The following LRBA variants were observed in gnomAD, a reference collection of about 807,000 sequenced individuals.
LRBA encodes lipopolysaccharide-responsive and beige-like anchor protein.
Under a neutral mutation model 330.0 loss-of-function variants are expected in LRBA, and 176 were observed. That is an observed-to-expected ratio of 0.53 (90% CI 0.47 to 0.60). The LOEUF is 0.60. LRBA is among the 20% of genes least tolerant of loss of function. The pLI is 0.00. For missense variants in LRBA, 3,259 were observed against 3,444.8 expected, an observed-to-expected ratio of 0.95 and a Z score of 1.35; for synonymous variants, 1,230 against 1,193.0, an observed-to-expected ratio of 1.03 and a Z score of -0.64.
chr4:150,529,375 G>C (rs1763816479), intron 40 of LRBA, among the ~76,000 whole-genome samples: 1 of 152,110 alleles, frequency 6.6e-6, no homozygotes, highest in Admixed American at 6.5e-5. Flanking sequence ...ACAGGAGTGG[G>C]GATGTCACTG....
intron 46 of LRBA, among the ~76,000 whole-genome samples, chr4:150,428,216 T>A (rs1482893112): frequency 6.6e-6 from 1 of 152,090 alleles, no homozygotes; most frequent in African/African-American, 2.4e-5. Context: ...TAACTGTAAA[T>A]ATAGAATATA....
intron 44 of LRBA, among the ~76,000 whole-genome samples, chr4:150,462,057 T>A (rs557084325): frequency 6.6e-6 from 1 of 151,928 alleles, no homozygotes; most frequent in South Asian, 2.1e-4. Context: ...CCTGCGCTGA[T>A]TATAAATTCT....
chr4:150,770,155 A>G (rs1011485377), intron 34 of LRBA, among the ~76,000 whole-genome samples: 1 of 152,170 alleles, frequency 6.6e-6, no homozygotes, highest in African/African-American at 2.4e-5. Context: ...TGGGAAAGAC[A>G]TCCTCTTCAC....
rs566302090 is a variant in LRBA at position 150,903,534 on chromosome 4, T to A, written c.1755+2304A>T. Among the ~76,000 whole-genome samples, 32 of 151,896 alleles carry A rather than the reference T, an allele frequency of 2.1e-4. No individual in the cohort carries two copies. In the South Asian group the frequency reaches 6.3e-3, roughly 30 times the overall value. On this transcript the variant is annotated intron_variant, in intron 13 of 56. Transcript: ENST00000651943. ...CAGGTAGATCACTTGAGCCCAGGAG[T>A]TCGAGACCAGCCTGGGCAACATGGC...
intron 11 of LRBA, among the ~76,000 whole-genome samples, chr4:150,907,977 TA>T (rs1297478613): frequency 2.0e-5 from 3 of 152,104 alleles, no homozygotes; most frequent in Non-Finnish European, 4.4e-5. Flanking sequence ...CATTACCAAA[TA>T]ATTTTAAATA....
chr4:150,858,513 C>A (rs1279206450), intron 22 of LRBA, among the ~76,000 whole-genome samples: 1 of 151,914 alleles, frequency 6.6e-6, no homozygotes, highest in Non-Finnish European at 1.5e-5. Flanking sequence ...CCATGAAATG[C>A]GGACATTTTG....
At chr4:150,646,257 C>T (rs1224908925) in intron 37 of LRBA, among the ~76,000 whole-genome samples, 2 of 151,920 alleles carry the variant, frequency 1.3e-5, no homozygotes, top group East Asian at 3.9e-4. Flanking sequence ...AAGATGACTT[C>T]AGGGTTTTAG....
chr4:150,459,759 G>A (rs991983168), intron 44 of LRBA, among the ~76,000 whole-genome samples: 1 of 151,798 alleles, frequency 6.6e-6, no homozygotes, highest in African/African-American at 2.4e-5. Context: ...TAAAATCAAT[G>A]TGGCATACAA....
intron 40 of LRBA, among the ~76,000 whole-genome samples, chr4:150,529,124 C>T (rs1362958923): frequency 6.6e-6 from 1 of 152,108 alleles, no homozygotes; most frequent in African/African-American, 2.4e-5. Flanking sequence ...TTTCATACAG[C>T]AAAATCATTA....
Position 150,782,948 on chromosome 4 carries a change from A to G in LRBA, c.5580+15133T>C, listed in dbSNP as rs543059688. On this transcript the variant is annotated intron_variant, in intron 34 of 56. Transcript: ENST00000651943. ...AAAAAAAAATTAAACAAATCAAGTC[A>G]CCTTATGCTCCAAGTGTTGGTTCTA... is the stretch of plus-strand genomic sequence containing the variant. Among the ~76,000 whole-genome samples, 24 of 152,210 alleles carry G rather than the reference A, an allele frequency of 1.6e-4. No individual in the cohort carries two copies. In the East Asian group the frequency reaches 3.1e-3, roughly 20 times the overall value.
intron 37 of LRBA, among the ~76,000 whole-genome samples, chr4:150,645,596 C>G (rs1779048946): frequency 6.6e-6 from 1 of 151,846 alleles, no homozygotes; most frequent in Non-Finnish European, 1.5e-5. Context: ...GGAGCTTCTA[C>G]TCAAATATCA....
At chr4:150,470,942 A>ATTTGGGAGG (rs1253583168) in intron 43 of LRBA, among the ~76,000 whole-genome samples, 19 of 151,990 alleles carry the variant, frequency 1.3e-4, no homozygotes, top group African/African-American at 4.3e-4. Context: ...TTTATCTTAC[A>ATTTGGGAGG]CACACAGCCT....
chr4:150,611,020 T>A lies in LRBA; in HGVS notation c.5922-11889A>T, dbSNP rs72736344. On this transcript the variant is annotated intron_variant, in intron 37 of 56. Transcript: ENST00000651943. Reference sequence around the variant, plus strand: ...AAAAGAATGGAAGATTATACTGTACTTGAAGACTTTCTTCAGTCTTCAAAA... The same window carrying A: ...AAAAGAATGGAAGATTATACTGTACATGAAGACTTTCTTCAGTCTTCAAAA... Among the ~76,000 whole-genome samples the A allele has an allele frequency of 1.6e-3, 245 of 152,292 alleles. 1 individual carries two copies. Among genetic ancestry groups the A allele is most frequent in the Admixed American group, 3.7e-3 (56 of 15,302 alleles).
At chr4:150,743,739 G>C (rs1028704382) in intron 35 of LRBA, among the ~76,000 whole-genome samples, 3 of 152,210 alleles carry the variant, frequency 2.0e-5, no homozygotes, top group African/African-American at 7.2e-5. Context: ...AAGGCCTAAA[G>C]AACTATCTGG....
intron 44 of LRBA, among the ~76,000 whole-genome samples, chr4:150,467,190 A>C (rs1248416022): frequency 1.3e-5 from 2 of 152,176 alleles, no homozygotes; most frequent in Non-Finnish European, 2.9e-5. Flanking sequence ...GAAATCTATG[A>C]GTTCATAAAG....
intron 39 of LRBA, among the ~76,000 whole-genome samples, chr4:150,588,539 A>G (rs946238617): frequency 2.6e-5 from 4 of 152,196 alleles, no homozygotes; most frequent in African/African-American, 9.6e-5. Flanking sequence ...ATCTAACAAC[A>G]TGAACAACAA....
chr4:150,740,949 C>T (rs2127162921), intron 35 of LRBA, among the ~76,000 whole-genome samples: 1 of 152,124 alleles, frequency 6.6e-6, no homozygotes, highest in South Asian at 2.1e-4. Flanking sequence ...TTAGATCAAT[C>T]AACTGATGCT....
intron 36 of LRBA, among the ~76,000 whole-genome samples, chr4:150,730,569 GCTA>G (rs1730304973): frequency 6.6e-6 from 1 of 151,596 alleles, no homozygotes; most frequent in Non-Finnish European, 1.5e-5. Context: ...TTTAATCCCA[GCTA>G]CTTGGGTGGC....
chr4:150,568,397 G>A (rs1769417350), intron 40 of LRBA, among the ~76,000 whole-genome samples: 1 of 152,108 alleles, frequency 6.6e-6, no homozygotes, highest in South Asian at 2.1e-4. Context: ...AATAAAGCAT[G>A]TATTTAATGA....
Sources: allele counts gnomAD v4.1 joint callset (sites outside exome capture counted in the v4.1 genomes callset), GRCh38; gene constraint gnomAD v4.1.1; transcripts MANE v1.5; gene names NCBI Gene and HGNC (gene_info 2026-07-23, HGNC 2026-07-21).